WNT3A: variants seen among roughly 807,000 people sequenced by gnomAD.
WNT3A encodes Wnt family member 3A.
A neutral mutation model predicts 37.0 loss-of-function variants in WNT3A; 17 were observed. The observed-to-expected ratio is 0.46, with a 90% CI of 0.31 to 0.69. WNT3A has a LOEUF of 0.69. Among genes scored for constraint, WNT3A ranks in the 30% least tolerant of loss-of-function variants. The pLI, the probability that WNT3A is intolerant of heterozygous loss-of-function variation, is 0.05. For synonymous variants in WNT3A, 187 were observed against 211.0 expected, an observed-to-expected ratio of 0.89 and a Z score of 0.99; for missense variants, 411 against 510.2, an observed-to-expected ratio of 0.81 and a Z score of 1.87.
intron 2 of WNT3A, among the ~76,000 whole-genome samples, chr1:228,025,920 T>C (rs1482645911): frequency 2.7e-5 from 4 of 145,532 alleles, no homozygotes. Flanking sequence ...GCTAATTTTT[T>C]GTATTTTTTT....
chr1:228,011,153 T>C (rs2030356835), intron 1 of WNT3A, among the ~76,000 whole-genome samples: 1 of 151,982 alleles, frequency 6.6e-6, no homozygotes, highest in Admixed American at 6.6e-5. Flanking sequence ...CAGGAAAGGG[T>C]GCAGGAGAGA....
intron 1 of WNT3A, among the ~76,000 whole-genome samples, chr1:228,022,166 A>C (rs2030723632): frequency 6.6e-6 from 1 of 152,232 alleles, no homozygotes; most frequent in African/African-American, 2.4e-5. Flanking sequence ...TGTATAACAT[A>C]CAGGCTTAAG....
chr1:228,044,547 G>A lies in WNT3A; in HGVS notation c.314-6109G>A, dbSNP rs12737490. 4.6e-5 allele frequency among the ~76,000 whole-genome samples: 7 copies of A among 152,290 alleles called. No homozygotes were observed. In the East Asian group the frequency reaches 5.8e-4, roughly 13 times the overall value. On this transcript the variant is annotated intron_variant, in intron 2 of 3. Coordinates refer to ENST00000284523, the MANE Select transcript of WNT3A (RefSeq NM_033131.4). ...AATTTGGGTTGGTCTGATGTCTCCCGACAATTAGATGCAGGCTGTGCATTT... is the reference window on the plus strand; with the variant it reads ...AATTTGGGTTGGTCTGATGTCTCCCAACAATTAGATGCAGGCTGTGCATTT...
intron 1 of WNT3A, among the ~76,000 whole-genome samples, chr1:228,016,892 G>C (rs758715455): frequency 6.6e-6 from 1 of 152,108 alleles, no homozygotes; most frequent in Non-Finnish European, 1.5e-5. Flanking sequence ...CCTCATTACC[G>C]CAGGGAGGGC....
intron 2 of WNT3A, among the ~76,000 whole-genome samples, chr1:228,034,881 G>A (rs994627972): frequency 1.3e-5 from 2 of 152,104 alleles, no homozygotes; most frequent in Non-Finnish European, 2.9e-5. Flanking sequence ...CTAGGGTATG[G>A]CACACTCCAG....
chr1:228,051,307 G>A lies in WNT3A; in HGVS notation c.579+386G>A, dbSNP rs181594321. 2.6e-4 allele frequency among the ~76,000 whole-genome samples: 40 copies of A among 152,192 alleles called. No individual in the cohort carries two copies. In the East Asian group the frequency reaches 4.3e-3, roughly 16 times the overall value. On this transcript the variant is annotated intron_variant, in intron 3 of 3. Transcript: ENST00000284523. ...AGGACAGCTGGCAGTAATTTAGGGG[G>A]AGGGAGGCTGGGAGAGCCTCCCAGG... is the stretch of plus-strand genomic sequence containing the variant.
rs757067691 is a variant in WNT3A, at chr1:228,008,075, G to A, written c.71+876G>A. 4.6e-5 allele frequency among the ~76,000 whole-genome samples: 7 copies of A among 152,204 alleles called. No homozygotes were observed. The highest frequency in any genetic ancestry group is 7.3e-5 in the Non-Finnish European group (5 of 68,038). ...CACTGCACATATCCTGTGGGAGGGG[G>A]AACGGTGGCCACACTTTCGCCAGGG... On this transcript the variant is annotated intron_variant, in intron 1 of 3. Transcript: ENST00000284523. The surrounding 1 kb of genome is among the most constrained non-coding windows in gnomAD (Gnocchi z 4.9).
At chr1:228,010,934 C>T (rs574967941) in intron 1 of WNT3A, among the ~76,000 whole-genome samples, 1 of 152,338 alleles carries the variant, frequency 6.6e-6, no homozygotes, top group South Asian at 2.1e-4. Context: ...CAAACAACCT[C>T]CTGGGCACAA....
chr1:228,030,429 A>G (rs1014380365), intron 2 of WNT3A, among the ~76,000 whole-genome samples: 1 of 151,614 alleles, frequency 6.6e-6, no homozygotes, highest in Admixed American at 6.6e-5. Context: ...AAATAAATAA[A>G]CAAATAATAA....
chr1:228,013,298 C>T (rs2030429974), intron 1 of WNT3A, among the ~76,000 whole-genome samples: 1 of 152,220 alleles, frequency 6.6e-6, no homozygotes, highest in South Asian at 2.1e-4. Flanking sequence ...CCACCCCACC[C>T]CTCACTGGTT....
intron 3 of WNT3A, among the ~76,000 whole-genome samples, chr1:228,055,966 G>A (rs1290909233): frequency 6.6e-6 from 1 of 152,168 alleles, no homozygotes; most frequent in Non-Finnish European, 1.5e-5. Context: ...ACATATGGAA[G>A]TTCATGCCTT....
At chr1:228,010,754 C>T (rs1484629798) in intron 1 of WNT3A, among the ~76,000 whole-genome samples, 4 of 152,250 alleles carry the variant, frequency 2.6e-5, no homozygotes, top group Non-Finnish European at 4.4e-5. Flanking sequence ...GCCTGCTCCA[C>T]AGCCTCGCTC....
intron 2 of WNT3A, among the ~76,000 whole-genome samples, chr1:228,035,369 G>C (rs1305538558): frequency 6.6e-6 from 1 of 152,214 alleles, no homozygotes; most frequent in Admixed American, 6.5e-5. Context: ...AAGTCCCCAG[G>C]CAGAGGGGAC....
intron 2 of WNT3A, among the ~76,000 whole-genome samples, chr1:228,029,292 G>A (rs1365694205): frequency 6.6e-6 from 1 of 152,194 alleles, no homozygotes; most frequent in Non-Finnish European, 1.5e-5. Flanking sequence ...AGAGGACACA[G>A]ATCCCACCAC....
At chr1:228,028,191 T>C (rs973525667) in intron 2 of WNT3A, among the ~76,000 whole-genome samples, 2 of 152,298 alleles carry the variant, frequency 1.3e-5, no homozygotes, top group South Asian at 4.1e-4. Context: ...GTAGTATAAT[T>C]TGAAGTTTGC....
At chr1:228,058,481 C>T (rs2031725600) in intron 3 of WNT3A, among the ~76,000 whole-genome samples, 1 of 152,246 alleles carries the variant, frequency 6.6e-6, no homozygotes, top group African/African-American at 2.4e-5. Flanking sequence ...CCTTATGTCC[C>T]AACATTGCCT....
Position 228,059,618 on chromosome 1 carries a change from T to G in WNT3A, c.*153T>G. 2.9e-6 allele frequency: 4 copies of G among 1,381,756 alleles called. No individual in the cohort carries two copies. The highest frequency in any genetic ancestry group is 1.7e-5 in the South Asian group (1 of 58,724). The allele number at this position is 1,381,756 out of a possible 1,614,324, so 85.6% of individuals were successfully genotyped here. On this transcript the variant is annotated 3_prime_UTR_variant, in exon 4 of 4. Coordinates refer to ENST00000284523, the MANE Select transcript of WNT3A (RefSeq NM_033131.4). ...TGGGGCTCCTACCTGGGGGCAGAACTCCTACCTGAAGGCAGGGCTCCTCCC... is the reference window on the plus strand; with the variant it reads ...TGGGGCTCCTACCTGGGGGCAGAACGCCTACCTGAAGGCAGGGCTCCTCCC...
At chr1:228,052,644 T>C (rs1340790725) in intron 3 of WNT3A, among the ~76,000 whole-genome samples, 1 of 152,118 alleles carries the variant, frequency 6.6e-6, no homozygotes, top group Non-Finnish European at 1.5e-5. Context: ...GGCTGTAGAA[T>C]CAGGGGACCA....
At position 228,050,967 on chromosome 1, in the gene WNT3A, C is replaced by T. The variant is rs868669103; in HGVS notation, c.579+46C>T. 1.3e-6 allele frequency: 2 copies of T among 1,489,640 alleles called. No homozygotes were observed. Among genetic ancestry groups the T allele is most frequent in the Admixed American group, 2.4e-5 (1 of 42,024 alleles). 92.3% of individuals were successfully genotyped at this position (1,489,640 alleles called of 1,614,324 possible). A position where few individuals can be genotyped will look rare whatever the true frequency, so the allele number is the denominator to read the frequency against. ...GGTGCTTGGGAAAAAGGAGCCTCCT[C>T]AGCAGGGTGTGTGCCCTGGTTCCTT... On this transcript the variant is annotated intron_variant, in intron 3 of 3. Coordinates refer to ENST00000284523, the MANE Select transcript of WNT3A (RefSeq NM_033131.4). This position sits in a 1 kb window ranked among gnomAD's most constrained non-coding sequence, Gnocchi z 5.0.
Sources: allele counts gnomAD v4.1 joint callset (sites outside exome capture counted in the v4.1 genomes callset), GRCh38; gene constraint gnomAD v4.1.1; non-coding constraint Gnocchi (gnomAD v3.1); transcripts MANE v1.5; gene names NCBI Gene and HGNC (gene_info 2026-07-23, HGNC 2026-07-21).